Variants in HS3ST3A1 observed in about 807,000 individuals in gnomAD.
The protein encoded by HS3ST3A1 is heparan sulfate-glucosamine 3-sulfotransferase 3A1.
HS3ST3A1 carries 19 observed loss-of-function variants against 25.7 expected under a neutral mutation model. The ratio of observed to expected loss-of-function variants is 0.74; its 90% CI spans 0.52 to 1.08. The LOEUF (loss-of-function observed/expected upper bound fraction) is 1.08, where lower values mean the gene tolerates loss of function less well. Among genes scored for constraint, HS3ST3A1 ranks in the 50% least tolerant of loss-of-function variants. The probability of loss-of-function intolerance (pLI) is 0.00; values close to 1 mark genes in which losing one functional copy is unlikely to be tolerated. For missense variants in HS3ST3A1, 459 were observed against 594.3 expected, an observed-to-expected ratio of 0.77 and a Z score of 2.37; for synonymous variants, 226 against 278.6, an observed-to-expected ratio of 0.81 and a Z score of 1.88.
intron 1 of HS3ST3A1, among the ~76,000 whole-genome samples, chr17:13,577,880 G>A (rs8081364): frequency 0.42 from 63,434 of 152,034 alleles, 14,413 homozygotes; most frequent in Admixed American, 0.55. Context: ...GTGTGTGTGT[G>A]TGTGTGTGTC....
Position 13,496,056 on chromosome 17 carries a change from G to A in HS3ST3A1, c.*141C>T. 1 of 1,039,396 alleles carries A rather than the reference G, an allele frequency of 9.6e-7. No individual in the cohort carries two copies. The highest frequency in any genetic ancestry group is 1.6e-5 in the African/African-American group (1 of 61,936). The allele number at this position is 1,039,396 out of a possible 1,614,324, so 64.4% of individuals were successfully genotyped here. ...GTTGGTTATACATTAAGATGGGGCG[G>A]GAGTGAGAACAATCTCTTAACATTC... On this transcript the variant is annotated 3_prime_UTR_variant, in exon 2 of 2. Transcript: ENST00000284110.
At chr17:13,555,560 A>C (rs565569125) in intron 1 of HS3ST3A1, among the ~76,000 whole-genome samples, 22 of 152,288 alleles carry the variant, frequency 1.4e-4, no homozygotes, top group African/African-American at 5.1e-4. Context: ...AAACCATCCT[A>C]GACTTGATTA....
chr17:13,509,489 C>T (rs1271492480), intron 1 of HS3ST3A1, among the ~76,000 whole-genome samples: 4 of 151,866 alleles, frequency 2.6e-5, no homozygotes, highest in East Asian at 3.9e-4. Flanking sequence ...AAAATGATGA[C>T]AAATACACAG....
At chr17:13,586,731 G>C (rs890188769) in intron 1 of HS3ST3A1, among the ~76,000 whole-genome samples, 8 of 150,466 alleles carry the variant, frequency 5.3e-5, no homozygotes, top group South Asian at 4.3e-4. Context: ...TTAGCCAAGC[G>C]TGGTGGCGGG....
In HS3ST3A1 at chr17:13,547,720, T is replaced by C. The variant is rs149970817; in HGVS notation, c.600-50902A>G. Among the ~76,000 whole-genome samples, 707 of 152,214 alleles carry C rather than the reference T, an allele frequency of 4.6e-3. 3 individuals are homozygous for C. The highest frequency in any genetic ancestry group is 0.015 in the African/African-American group (634 of 41,534). ...AGTTGTTCTGGCAAATTATTGAACC[T>C]AAGAAAGGGGTTATGAGAACCCTTG... On this transcript the variant is annotated intron_variant, in intron 1 of 1. Transcript: ENST00000284110.
At chr17:13,529,406 A>G (rs1906533086) in intron 1 of HS3ST3A1, among the ~76,000 whole-genome samples, 1 of 152,232 alleles carries the variant, frequency 6.6e-6, no homozygotes, top group Non-Finnish European at 1.5e-5. Context: ...CTAACAAGGA[A>G]GACCATCCAT....
In HS3ST3A1 at chr17:13,601,828, G is replaced by A. The variant is rs1200880137; in HGVS notation, c.-699C>T. 1 of 153,728 alleles carries A rather than the reference G, an allele frequency of 6.5e-6. No individual in the cohort carries two copies. Among genetic ancestry groups the A allele is most frequent in the Non-Finnish European group, 1.4e-5 (1 of 69,354 alleles). The allele number at this position is 153,728 out of a possible 1,614,324, so 9.5% of individuals were successfully genotyped here. On this transcript the variant is annotated 5_prime_UTR_variant, in exon 1 of 2. Coordinates refer to ENST00000284110, the MANE Select transcript of HS3ST3A1 (RefSeq NM_006042.3). ...CAAACTGCTCTTGGACCCCACCTGT[G>A]AGCCGCGTGGCTGGGCTGGGCTGGG... is the stretch of plus-strand genomic sequence containing the variant.
chr17:13,588,845 A>G (rs1269596345), intron 1 of HS3ST3A1, among the ~76,000 whole-genome samples: 3 of 152,046 alleles, frequency 2.0e-5, no homozygotes, highest in African/African-American at 7.2e-5. Context: ...CACCACGCCC[A>G]GCTAATTTTT....
intron 1 of HS3ST3A1, among the ~76,000 whole-genome samples, chr17:13,498,799 C>T (rs1567607340): frequency 6.6e-6 from 1 of 152,184 alleles, no homozygotes; most frequent in Non-Finnish European, 1.5e-5. Flanking sequence ...TTTGGGTCTT[C>T]ACCCTGAAAG....
intron 1 of HS3ST3A1, among the ~76,000 whole-genome samples, chr17:13,527,629 A>G (rs1906475149): frequency 6.6e-6 from 1 of 152,192 alleles, no homozygotes; most frequent in African/African-American, 2.4e-5. Context: ...TGCGTCTAAG[A>G]TAACCCCACA....
At chr17:13,535,987 C>T (rs1028342123) in intron 1 of HS3ST3A1, among the ~76,000 whole-genome samples, 1 of 152,132 alleles carries the variant, frequency 6.6e-6, no homozygotes, top group African/African-American at 2.4e-5. Flanking sequence ...ACTCCAGAAC[C>T]TTCCCAAAAT....
intron 1 of HS3ST3A1, among the ~76,000 whole-genome samples, chr17:13,535,420 C>A (rs776143518): frequency 6.6e-6 from 1 of 152,122 alleles, no homozygotes; most frequent in Non-Finnish European, 1.5e-5. Context: ...CAAATACATG[C>A]AAGAAAGCCA....
chr17:13,531,215 C>A (rs534953445), intron 1 of HS3ST3A1, among the ~76,000 whole-genome samples: 6 of 152,252 alleles, frequency 3.9e-5, no homozygotes, highest in South Asian at 2.1e-4. Flanking sequence ...CAAAGAATGA[C>A]CAACTCTTAA....
intron 1 of HS3ST3A1, among the ~76,000 whole-genome samples, chr17:13,506,078 C>CTT (rs577292327): frequency 5.0e-5 from 6 of 119,090 alleles, no homozygotes; most frequent in East Asian, 5.1e-4. Flanking sequence ...GTTGGAGTTA[C>CTT]TTTTTTTTTT....
chr17:13,523,070 T>C (rs934364439), intron 1 of HS3ST3A1, among the ~76,000 whole-genome samples: 8 of 152,090 alleles, frequency 5.3e-5, no homozygotes, highest in Non-Finnish European at 1.2e-4. Flanking sequence ...AGTGAGAAGT[T>C]ATACAAGCTA....
At chr17:13,532,553 T>C (rs1400428413) in intron 1 of HS3ST3A1, among the ~76,000 whole-genome samples, 1 of 151,380 alleles carries the variant, frequency 6.6e-6, no homozygotes, top group Non-Finnish European at 1.5e-5. Flanking sequence ...TCCAGGAGAG[T>C]CCAGGGCCCG....
intron 1 of HS3ST3A1, among the ~76,000 whole-genome samples, chr17:13,597,193 T>C (rs1018341632): frequency 2.0e-5 from 3 of 152,200 alleles, no homozygotes; most frequent in Non-Finnish European, 4.4e-5. Flanking sequence ...TTATTGAATC[T>C]AAACATTTAT....
chr17:13,532,830 C>A (rs1252909167), intron 1 of HS3ST3A1, among the ~76,000 whole-genome samples: 1 of 144,318 alleles, frequency 6.9e-6, no homozygotes, highest in Non-Finnish European at 1.5e-5. Flanking sequence ...GACATATTTG[C>A]AACTAGTAAA....
At chr17:13,589,666 TACAC>T (rs145947782) in intron 1 of HS3ST3A1, among the ~76,000 whole-genome samples, 1 of 151,242 alleles carries the variant, frequency 6.6e-6, no homozygotes, top group South Asian at 2.1e-4. Context: ...ACCAGAAAAT[TACAC>T]ACACACACAC....
Sources: gnomAD v4.1 joint callset for allele counts (sites outside exome capture counted in the v4.1 genomes callset) on GRCh38, gnomAD v4.1.1 for gene constraint, MANE v1.5 for transcripts, NCBI Gene and HGNC (gene_info 2026-07-23, HGNC 2026-07-21) for gene names.